RBM43: variants seen among roughly 807,000 people sequenced by gnomAD.
RBM43 encodes the protein RNA binding motif protein 43.
A neutral mutation model predicts 12.4 loss-of-function variants in RBM43; 12 were observed. The ratio of observed to expected loss-of-function variants is 0.97; its 90% CI spans 0.62 to 1.57. RBM43 has a LOEUF of 1.57. Among genes scored for constraint, RBM43 ranks in the 40% most tolerant of loss-of-function variants. The pLI is 0.00. For missense variants in RBM43, 348 were observed against 400.1 expected (o/e 0.87, Z 1.11); for synonymous variants, 138 against 145.7 (o/e 0.95, Z 0.38).
intron 1 of RBM43, chr2:151,261,352 T>A: frequency 6.4e-7 from 1 of 1,550,562 alleles, no homozygotes; most frequent in Non-Finnish European, 8.7e-7. Context: ...AGGACAACAG[T>A]TAAGCCCTAA....
chr2:151,258,308 G>A (rs534133596), intron 1 of RBM43, among the ~76,000 whole-genome samples: 14 of 151,286 alleles, frequency 9.3e-5, no homozygotes, highest in African/African-American at 3.2e-4. Flanking sequence ...CACAAGATTG[G>A]ACATGCACAT....
At chr2:151,260,122 T>G (rs1303481269) in intron 1 of RBM43, among the ~76,000 whole-genome samples, 1 of 150,574 alleles carries the variant, frequency 6.6e-6, no homozygotes, top group Non-Finnish European at 1.5e-5. Context: ...CCCCTCGGCC[T>G]CTCGAAGTCT....
chr2:151,250,185 A>T lies in RBM43; in HGVS notation c.*721T>A, dbSNP rs1682876665. On this transcript the variant is annotated 3_prime_UTR_variant, in exon 4 of 4. Coordinates refer to ENST00000331426, the MANE Select transcript of RBM43 (RefSeq NM_198557.3). ...GGAGTAAACACAAACTGTAAATGTT[A>T]AGAAATTGCCCATGGCATAATAATC... The T allele has an allele frequency of 6.6e-6, 1 of 152,130 alleles. No homozygotes were observed. The highest frequency in any genetic ancestry group is 6.6e-5 in the Admixed American group (1 of 15,266). The allele number at this position is 152,130 out of a possible 1,614,324, so 9.4% of individuals were successfully genotyped here.
chr2:151,251,343 T>A lies in RBM43; in HGVS notation c.637A>T (p.Thr213Ser). 6.2e-7 allele frequency: 1 copy of A among 1,614,138 alleles called. No homozygotes were observed. Among genetic ancestry groups the A allele is most frequent in the Non-Finnish European group, 8.5e-7 (1 of 1,179,962 alleles). ...LASVRTLVPE[T>S]ARSGEMLVLD... ...ACAAGCATTTCTCCACTTCTAGCAG[T>A]CTCAGGTACTAAGGTCCTGACTGAT... is the stretch of plus-strand genomic sequence containing the variant. Residue 213 changes from threonine (T) to serine (S), a missense_variant, in exon 4 of 4, where the codon ACT (threonine) becomes TCT (serine). Transcript: ENST00000331426.
In RBM43 at chr2:151,251,173, C is replaced by T; in HGVS notation, c.807G>A (p.Gln269=). 1 of 1,614,008 alleles carries T rather than the reference C, an allele frequency of 6.2e-7. No individual in the cohort carries two copies. Among genetic ancestry groups the T allele is most frequent in the South Asian group, 1.1e-5 (1 of 91,074 alleles). The part of the protein sequence containing the change: ...ICLKSIQVGS[Q]PNNAKHVKEL... ...CTTTTACATGTTTTGCATTGTTTGG[C>T]TGAGAACCAACTTGAATGCTTTTTA... The change falls in exon 4 of 4, where the codon CAG becomes CAA. Residue 269 remains glutamine, a synonymous_variant. Coordinates refer to ENST00000331426, the MANE Select transcript of RBM43 (RefSeq NM_198557.3).
Position 151,255,730 on chromosome 2 carries a change from T to G in RBM43, c.17A>C (p.Asn6Thr). 1 of 1,612,872 alleles carries G rather than the reference T, an allele frequency of 6.2e-7. No individual in the cohort carries two copies. Among genetic ancestry groups the G allele is most frequent in the African/African-American group, 1.3e-5 (1 of 74,998 alleles). The change falls in exon 2 of 4, where the codon AAT (asparagine) becomes ACT (threonine). Residue 6 changes from asparagine to threonine, a missense_variant. Coordinates refer to ENST00000331426, the MANE Select transcript of RBM43 (RefSeq NM_198557.3). Reference protein sequence around the residue: MASVLNVKESKAPERT... With the variant: MASVLTVKESKAPERT... ...TTCAGGAGCTTTGGATTCCTTGACA[T>G]TCAAAACTGATGCCTGTAAGAGAAA...
intron 2 of RBM43, 104 bp downstream of exon 2, chr2:151,255,429 T>C: frequency 1.3e-6 from 1 of 771,088 alleles, no homozygotes; most frequent in Non-Finnish European, 2.1e-6. Flanking sequence ...AAAAAAAAAC[T>C]ACTTTAAAAT....
At position 151,251,251 on chromosome 2, in the gene RBM43, T is replaced by C. The variant is rs768765020; in HGVS notation, c.729A>G (p.Lys243=). Residue 243 remains lysine, a synonymous_variant, in exon 4 of 4, where the codon AAA becomes AAG. Transcript: ENST00000331426. ...KCGSYESTLK[K]FHILSQEKVD... ...CTTTCTCCTGACTCAGAATGTGGAA[T>C]TTTTTCAGTGTGCTTTCATAAGATC... The C allele has an allele frequency of 6.2e-7, 1 of 1,613,864 alleles. No homozygotes were observed. The highest frequency in any genetic ancestry group is 2.2e-5 in the East Asian group (1 of 44,878).
At chr2:151,254,430 A>G (rs1186845686) in intron 2 of RBM43, among the ~76,000 whole-genome samples, 1 of 152,146 alleles carries the variant, frequency 6.6e-6, no homozygotes, top group African/African-American at 2.4e-5. Flanking sequence ...CCTTACCTGA[A>G]CATCCCCATT....
rs1412283470 is a variant in RBM43, at chr2:151,257,180, C to T, written c.4-1437G>A. 6.2e-4 allele frequency among the ~76,000 whole-genome samples: 95 copies of T among 152,268 alleles called. 1 individual carries two copies. The highest frequency in any genetic ancestry group is 6.1e-3 in the Admixed American group (94 of 15,298). The stretch of plus-strand genomic sequence containing the variant: ...GGACAGGACAGCTCATGGGCTACAG[C>T]GATGGTTAGCAGACCTGAAAGGAAT... On this transcript the variant is annotated intron_variant, in intron 1 of 3. Transcript: ENST00000331426.
At position 151,249,218 on chromosome 2, in the gene RBM43, T is replaced by A. The variant is rs934230312; in HGVS notation, c.*1688A>T. ...GCTTTGTATCCCACTTCTGACACCA[T>A]GCATGTCAAAGTCAAAATGAAAATG... On this transcript the variant is annotated 3_prime_UTR_variant, in exon 4 of 4. Coordinates refer to ENST00000331426, the MANE Select transcript of RBM43 (RefSeq NM_198557.3). 1 of 152,166 alleles carries A rather than the reference T, an allele frequency of 6.6e-6. No homozygotes were observed. The highest frequency in any genetic ancestry group is 2.4e-5 in the African/African-American group (1 of 41,430). 9.4% of individuals were successfully genotyped at this position (152,166 alleles called of 1,614,324 possible). A position where few individuals can be genotyped will look rare whatever the true frequency, so the allele number is the denominator to read the frequency against.
chr2:151,257,128 A>T (rs1433489674), intron 1 of RBM43, among the ~76,000 whole-genome samples: 1 of 152,326 alleles, frequency 6.6e-6, no homozygotes, highest in South Asian at 2.1e-4. Context: ...GAGCTCAAAC[A>T]TAAACTGTCC....
chr2:151,260,129 GTCTT>G (rs1683028569), intron 1 of RBM43, among the ~76,000 whole-genome samples: 1 of 150,016 alleles, frequency 6.7e-6, no homozygotes, highest in African/African-American at 2.5e-5. Context: ...GCCTCTCGAA[GTCTT>G]TTTTTTTTTT....
Position 151,261,779 on chromosome 2 carries a change from A to G in RBM43, c.-52T>C, listed in dbSNP as rs1447779179. On this transcript the variant is annotated 5_prime_UTR_variant, in exon 1 of 4. Coordinates refer to ENST00000331426, the MANE Select transcript of RBM43 (RefSeq NM_198557.3). ...GCCGCAGAAAGCCCACAACCAGCGG[A>G]ACGCAGGCGATGGGGAGAGGAGCGA... 3.2e-6 allele frequency: 5 copies of G among 1,585,236 alleles called. No individual in the cohort carries two copies. Among genetic ancestry groups the G allele is most frequent in the South Asian group, 2.3e-5 (2 of 87,302 alleles).
At chr2:151,258,242 G>A (rs1184544514) in intron 1 of RBM43, among the ~76,000 whole-genome samples, 3 of 152,056 alleles carry the variant, frequency 2.0e-5, no homozygotes, top group Non-Finnish European at 2.9e-5. Context: ...TTGTTGACAG[G>A]GTATTGGTAA....
chr2:151,260,995 T>C (rs1573736288), intron 1 of RBM43: 1 of 410,400 alleles, frequency 2.4e-6, no homozygotes, highest in Non-Finnish European at 4.5e-6. Context: ...TTTGTTTATA[T>C]TGATTTTCTC....
intron 2 of RBM43, among the ~76,000 whole-genome samples, chr2:151,254,956 TA>T (rs1682952691): frequency 6.6e-6 from 1 of 152,150 alleles, no homozygotes; most frequent in Non-Finnish European, 1.5e-5. Context: ...TTTTCTACAA[TA>T]AAATGTAACA....
chr2:151,258,911 G>A (rs1408574285), intron 1 of RBM43, among the ~76,000 whole-genome samples: 4 of 152,144 alleles, frequency 2.6e-5, no homozygotes, highest in Admixed American at 6.5e-5. Flanking sequence ...GGGAGGATGA[G>A]GCGGGCAGAT....
intron 1 of RBM43, among the ~76,000 whole-genome samples, chr2:151,256,690 G>A (rs1682979952): frequency 6.6e-6 from 1 of 152,114 alleles, no homozygotes; most frequent in Non-Finnish European, 1.5e-5. Flanking sequence ...GTGATGGCGG[G>A]CGCCTGTAAT....
Sources: allele counts gnomAD v4.1 joint callset (sites outside exome capture counted in the v4.1 genomes callset), GRCh38; gene constraint gnomAD v4.1.1; transcripts MANE v1.5; gene names NCBI Gene and HGNC (gene_info 2026-07-23, HGNC 2026-07-21).